PRKN: variants seen among roughly 807,000 people sequenced by gnomAD.
PRKN encodes parkin RBR E3 ubiquitin protein ligase.
PRKN carries 56 observed loss-of-function variants against 59.5 expected under a neutral mutation model. That is an observed-to-expected ratio of 0.94 (90% CI 0.76 to 1.18). The LOEUF is 1.18. PRKN is among the 50% of genes most tolerant of loss of function. The probability of loss-of-function intolerance (pLI) is 0.00; values close to 1 mark genes in which losing one functional copy is unlikely to be tolerated. For missense variants in PRKN, 657 were observed against 596.4 expected (o/e 1.10, Z -1.06); for synonymous variants, 250 against 222.1 (o/e 1.13, Z -1.12).
At chr6:161,620,760 T>C (rs1285356656) in intron 7 of PRKN, among the ~76,000 whole-genome samples, 3 of 152,154 alleles carry the variant, frequency 2.0e-5, no homozygotes, top group African/African-American at 7.2e-5. Context: ...GGAAGGAAAA[T>C]TTTTGTTTTG....
At chr6:161,492,976 A>G (rs1777614585) in intron 9 of PRKN, among the ~76,000 whole-genome samples, 1 of 152,218 alleles carries the variant, frequency 6.6e-6, no homozygotes, top group African/African-American at 2.4e-5. Context: ...CATTTTTAAT[A>G]TAGTCTTAAT....
intron 6 of PRKN, among the ~76,000 whole-genome samples, chr6:161,794,162 G>GT (rs1790747836): frequency 6.6e-6 from 1 of 152,010 alleles, no homozygotes; most frequent in Non-Finnish European, 1.5e-5. Flanking sequence ...CCATTGATAG[G>GT]TTAACTCATT....
chr6:161,409,357 G>A lies in PRKN; in HGVS notation c.1084-22480C>T, dbSNP rs1409219765. 1.3e-5 allele frequency among the ~76,000 whole-genome samples: 2 copies of A among 152,134 alleles called. No individual in the cohort carries two copies. The highest frequency in any genetic ancestry group is 2.4e-5 in the African/African-American group (1 of 41,402). The stretch of plus-strand genomic sequence containing the variant: ...GACAGCATTGTGTGTTCTCTAAAGC[G>A]CCAGGTTATAACGGCCATATGTCTC... On this transcript the variant is annotated intron_variant, in intron 9 of 11. Transcript: ENST00000366898. This position sits in a 1 kb window ranked among gnomAD's most constrained non-coding sequence, Gnocchi z 4.6.
At chr6:161,727,116 G>C (rs142710451) in intron 7 of PRKN, among the ~76,000 whole-genome samples, 2 of 152,152 alleles carry the variant, frequency 1.3e-5, no homozygotes. Context: ...AGAAACCAAG[G>C]GTGGCGATGG....
intron 9 of PRKN, among the ~76,000 whole-genome samples, chr6:161,464,489 T>G (rs1562466361): frequency 6.6e-6 from 1 of 152,220 alleles, no homozygotes; most frequent in East Asian, 1.9e-4. Flanking sequence ...TATACTTTGA[T>G]GAGTTTTGGC....
chr6:162,564,278 G>A (rs2128206932), intron 1 of PRKN, among the ~76,000 whole-genome samples: 1 of 152,146 alleles, frequency 6.6e-6, no homozygotes, highest in East Asian at 1.9e-4. Context: ...CAGGGAGGCA[G>A]AGGTTGCAGT....
chr6:161,869,017 A>C (rs1302104442), intron 6 of PRKN, among the ~76,000 whole-genome samples: 1 of 152,202 alleles, frequency 6.6e-6, no homozygotes, highest in African/African-American at 2.4e-5. Context: ...TGTGAACCTC[A>C]CTGGAACTAA....
At chr6:162,228,048 G>C (rs1433970907) in intron 3 of PRKN, among the ~76,000 whole-genome samples, 1 of 152,060 alleles carries the variant, frequency 6.6e-6, no homozygotes, top group African/African-American at 2.4e-5. Flanking sequence ...TTATCGTAGA[G>C]AGAATTCTCC....
intron 1 of PRKN, among the ~76,000 whole-genome samples, chr6:162,620,678 A>AT (rs1487224204): frequency 1.4e-4 from 21 of 151,670 alleles, no homozygotes; most frequent in East Asian, 3.9e-4. Flanking sequence ...CCTTTTACTC[A>AT]TTTTTTTTGG....
intron 9 of PRKN, among the ~76,000 whole-genome samples, chr6:161,543,620 T>C (rs1233014232): frequency 6.6e-6 from 1 of 152,250 alleles, no homozygotes; most frequent in African/African-American, 2.4e-5. Context: ...TTTTTGAAAT[T>C]CGATTTTCAT....
intron 2 of PRKN, among the ~76,000 whole-genome samples, chr6:162,381,776 G>A (rs1786498767): frequency 6.6e-6 from 1 of 152,128 alleles, no homozygotes; most frequent in Admixed American, 6.5e-5. Flanking sequence ...ACAAATAGCT[G>A]GGTGGATGAA....
chr6:161,621,193 A>T (rs568096517), intron 7 of PRKN, among the ~76,000 whole-genome samples: 1 of 152,156 alleles, frequency 6.6e-6, no homozygotes, highest in Non-Finnish European at 1.5e-5. Flanking sequence ...AATAGGATAG[A>T]TCTTTAGGTA....
intron 6 of PRKN, among the ~76,000 whole-genome samples, chr6:161,802,472 C>A (rs539721088): frequency 1.3e-5 from 2 of 151,144 alleles, no homozygotes; most frequent in Non-Finnish European, 3.0e-5. Flanking sequence ...GACCCACACA[C>A]GCCCCCCACA....
At chr6:161,532,171 TATATATA>T (rs1779246030) in intron 9 of PRKN, among the ~76,000 whole-genome samples, 3 of 20,574 alleles carry the variant, frequency 1.5e-4, no homozygotes, top group Admixed American at 4.5e-4. Flanking sequence ...TCTCTCTATA[TATATATA>T]TATATATATA....
intron 4 of PRKN, among the ~76,000 whole-genome samples, chr6:162,184,027 T>G (rs2128323956): frequency 6.6e-6 from 1 of 152,344 alleles, no homozygotes; most frequent in South Asian, 2.1e-4. Context: ...GTCCTTGAAA[T>G]GTGGCCACTG....
At chr6:161,871,460 G>C (rs895614438) in intron 6 of PRKN, among the ~76,000 whole-genome samples, 2 of 151,998 alleles carry the variant, frequency 1.3e-5, no homozygotes, top group Non-Finnish European at 2.9e-5. Context: ...TAGAACTCAG[G>C]GTGCAGTTTT....
At chr6:161,878,682 T>C (rs1222563388) in intron 6 of PRKN, among the ~76,000 whole-genome samples, 4 of 152,176 alleles carry the variant, frequency 2.6e-5, no homozygotes, top group Admixed American at 6.5e-5. Context: ...CAGGGCCCTC[T>C]GCAACTCAAA....
rs1174663507 is a variant in PRKN at position 161,440,084 on chromosome 6, G to T, written c.1084-53207C>A. Among the ~76,000 whole-genome samples, 1 of 151,702 alleles carries T rather than the reference G, an allele frequency of 6.6e-6. No individual in the cohort carries two copies. On this transcript the variant is annotated intron_variant, in intron 9 of 11. Coordinates refer to ENST00000366898, the MANE Select transcript of PRKN (RefSeq NM_004562.3). This position sits in a 1 kb window ranked among gnomAD's most constrained non-coding sequence, Gnocchi z 4.1. ...TCCTGCCTCAGCCTCCTGAGTAGCT[G>T]GGACTACAGGCGCCCACCACCACGC...
intron 1 of PRKN, among the ~76,000 whole-genome samples, chr6:162,667,814 T>C (rs909886847): frequency 2.0e-5 from 3 of 152,274 alleles, no homozygotes; most frequent in Non-Finnish European, 1.5e-5. Context: ...CCTCAGTTTC[T>C]TCATCTATAA....
Sources: allele counts gnomAD v4.1 joint callset (sites outside exome capture counted in the v4.1 genomes callset), GRCh38; gene constraint gnomAD v4.1.1; non-coding constraint Gnocchi (gnomAD v3.1); transcripts MANE v1.5; gene names NCBI Gene and HGNC (gene_info 2026-07-23, HGNC 2026-07-21).